The following SPAG16 variants were observed in gnomAD, a reference collection of about 807,000 sequenced individuals.
SPAG16 encodes sperm-associated antigen 16 protein.
Under a neutral mutation model 80.4 loss-of-function variants are expected in SPAG16, and 86 were observed. The observed-to-expected ratio is 1.07, with a 90% CI of 0.90 to 1.28. SPAG16 has a LOEUF of 1.28. SPAG16 is among the 50% of genes most tolerant of loss of function. The pLI is 0.00. For synonymous variants in SPAG16, 294 were observed against 265.9 expected, an observed-to-expected ratio of 1.11 and a Z score of -1.03; for missense variants, 870 against 765.3, an observed-to-expected ratio of 1.14 and a Z score of -1.61.
At chr2:214,154,791 A>C (rs1244245353) in intron 15 of SPAG16, among the ~76,000 whole-genome samples, 2 of 152,154 alleles carry the variant, frequency 1.3e-5, no homozygotes. Flanking sequence ...AAAATGATAA[A>C]AATCTGTAGG....
chr2:213,487,359 T>C (rs1289112721), intron 9 of SPAG16, among the ~76,000 whole-genome samples: 1 of 151,664 alleles, frequency 6.6e-6, no homozygotes, highest in Non-Finnish European at 1.5e-5. Context: ...AAAGGTTATG[T>C]TTTTTTTGCT....
At chr2:213,309,026 A>G (rs1314285643) in intron 3 of SPAG16, among the ~76,000 whole-genome samples, 3 of 152,142 alleles carry the variant, frequency 2.0e-5, no homozygotes, top group Non-Finnish European at 2.9e-5. Flanking sequence ...AGGTAATTTT[A>G]TACAATATTT....
At position 213,645,471 on chromosome 2, in the gene SPAG16, A is replaced by T. The variant is rs545523458; in HGVS notation, c.1070+155381A>T. Among the ~76,000 whole-genome samples the T allele has an allele frequency of 1.1e-4, 16 of 151,944 alleles. No individual in the cohort carries two copies. In the East Asian group the frequency reaches 2.7e-3, roughly 26 times the overall value. ...AGGAATCTTAGTTAGCAGGTGATGA[A>T]TGCTGTCAGGACTGAGTCCCTTCCT... is the stretch of plus-strand genomic sequence containing the variant. On this transcript the variant is annotated intron_variant, in intron 10 of 15. Coordinates refer to ENST00000331683, the MANE Select transcript of SPAG16 (RefSeq NM_024532.5).
At chr2:214,173,412 A>G (rs1015666155) in intron 15 of SPAG16, among the ~76,000 whole-genome samples, 2 of 152,124 alleles carry the variant, frequency 1.3e-5, no homozygotes, top group Admixed American at 6.6e-5. Context: ...AATTGTAGAT[A>G]TGCGGCGTTA....
At chr2:214,218,095 A>G (rs1044133251) in intron 15 of SPAG16, among the ~76,000 whole-genome samples, 1 of 152,196 alleles carries the variant, frequency 6.6e-6, no homozygotes, top group Non-Finnish European at 1.5e-5. Context: ...ACAACAAATA[A>G]AGAGAGAATG....
chr2:213,401,301 G>A (rs2068295767), intron 9 of SPAG16, among the ~76,000 whole-genome samples: 1 of 152,194 alleles, frequency 6.6e-6, no homozygotes, highest in Non-Finnish European at 1.5e-5. Flanking sequence ...ATTAGATAAT[G>A]TCATAATGCA....
chr2:214,277,371 G>A lies in SPAG16; in HGVS notation c.1720+128105G>A, dbSNP rs1238145249. On this transcript the variant is annotated intron_variant, in intron 15 of 15. Transcript: ENST00000331683. The stretch of plus-strand genomic sequence containing the variant: ...GATAATTTGGAGAAGAGGTGCTCTC[G>A]TTTTTAGAATTTTCATCTTTTCTCC... Among the ~76,000 whole-genome samples, 5 of 152,092 alleles carry A rather than the reference G, an allele frequency of 3.3e-5. No individual in the cohort carries two copies. In the East Asian group the frequency reaches 5.8e-4, roughly 18 times the overall value.
At position 214,032,051 on chromosome 2, in the gene SPAG16, A is replaced by G. The variant is rs146335288; in HGVS notation, c.1527+17974A>G. On this transcript the variant is annotated intron_variant, in intron 13 of 15. Transcript: ENST00000331683. Reference sequence around the variant, plus strand: ...AGTTCCAGTTGCTCATAGTGTTCCCATAGCATACCCTTTACTGGCTTTTGC... The same window carrying G: ...AGTTCCAGTTGCTCATAGTGTTCCCGTAGCATACCCTTTACTGGCTTTTGC... Among the ~76,000 whole-genome samples, 558 of 152,260 alleles carry G rather than the reference A, an allele frequency of 3.7e-3. 4 individuals carry two copies. Among genetic ancestry groups the G allele is most frequent in the Middle Eastern group, 0.014 (4 of 294 alleles).
intron 15 of SPAG16, among the ~76,000 whole-genome samples, chr2:214,344,850 C>T (rs1172377654): frequency 6.6e-6 from 1 of 152,156 alleles, no homozygotes; most frequent in Admixed American, 6.5e-5. Context: ...TGCTCCTCAT[C>T]TCATATGGTT....
chr2:214,175,990 G>A (rs1365915768), intron 15 of SPAG16, among the ~76,000 whole-genome samples: 1 of 151,220 alleles, frequency 6.6e-6, no homozygotes, highest in African/African-American at 2.4e-5. Flanking sequence ...TGATTTACTT[G>A]GAATATCCCA....
intron 13 of SPAG16, among the ~76,000 whole-genome samples, chr2:214,064,309 A>G (rs543162244): frequency 1.3e-5 from 2 of 152,236 alleles, no homozygotes; most frequent in South Asian, 4.1e-4. Flanking sequence ...TTTTTAAATA[A>G]TAAGTATGCT....
chr2:213,740,984 GT>G (rs2067524507), intron 10 of SPAG16, among the ~76,000 whole-genome samples: 1 of 152,194 alleles, frequency 6.6e-6, no homozygotes, highest in Admixed American at 6.5e-5. Flanking sequence ...CATAGTGTGA[GT>G]TTTTAAAGTT....
At chr2:213,922,654 G>C (rs4673795) in intron 11 of SPAG16, among the ~76,000 whole-genome samples, 88,976 of 152,042 alleles carry the variant, frequency 0.59, 27,837 homozygotes, top group South Asian at 0.84. Context: ...AATTTGTGTG[G>C]GCTGATGTTC....
intron 15 of SPAG16, among the ~76,000 whole-genome samples, chr2:214,329,348 C>G (rs1055948176): frequency 2.0e-5 from 3 of 152,168 alleles, no homozygotes; most frequent in Non-Finnish European, 4.4e-5. Flanking sequence ...TCATTAGCTT[C>G]CCTTTGATAT....
chr2:213,987,143 C>T (rs1559662006), intron 12 of SPAG16, among the ~76,000 whole-genome samples: 1 of 152,060 alleles, frequency 6.6e-6, no homozygotes, highest in Non-Finnish European at 1.5e-5. Context: ...TATTCACATA[C>T]TCATCAGCTA....
At chr2:213,969,952 T>G (rs1416907377) in intron 12 of SPAG16, among the ~76,000 whole-genome samples, 1 of 152,156 alleles carries the variant, frequency 6.6e-6, no homozygotes, top group Non-Finnish European at 1.5e-5. Context: ...GAAAAACAAA[T>G]TTATTTTTCA....
At chr2:214,026,255 T>C (rs894720827) in intron 13 of SPAG16, among the ~76,000 whole-genome samples, 4 of 150,988 alleles carry the variant, frequency 2.6e-5, no homozygotes, top group South Asian at 2.1e-4. Flanking sequence ...ATATTATATA[T>C]ACACACACAC....
At chr2:214,252,437 C>T (rs543927018) in intron 15 of SPAG16, among the ~76,000 whole-genome samples, 1 of 151,918 alleles carries the variant, frequency 6.6e-6, no homozygotes, top group East Asian at 1.9e-4. Context: ...TAATGCTATC[C>T]CTCCCCTAGC....
chr2:214,081,319 A>T (rs2051382160), intron 13 of SPAG16, among the ~76,000 whole-genome samples: 1 of 152,118 alleles, frequency 6.6e-6, no homozygotes, highest in Admixed American at 6.6e-5. Context: ...GATATGTTCA[A>T]ATCCTAACCC....
Sources: allele counts gnomAD v4.1 joint callset (sites outside exome capture counted in the v4.1 genomes callset), GRCh38; gene constraint gnomAD v4.1.1; transcripts MANE v1.5; gene names NCBI Gene and HGNC (gene_info 2026-07-23, HGNC 2026-07-21).